Variants in FAM178B observed in about 807,000 individuals in gnomAD.
FAM178B encodes the protein protein FAM178B.
A neutral mutation model predicts 91.7 loss-of-function variants in FAM178B; 82 were observed. That is an observed-to-expected ratio of 0.89 (90% CI 0.75 to 1.07). The LOEUF (loss-of-function observed/expected upper bound fraction) is 1.07, where lower values mean the gene tolerates loss of function less well. FAM178B is among the 50% of genes least tolerant of loss of function. The pLI, the probability that FAM178B is intolerant of heterozygous loss-of-function variation, is 0.00. For missense variants in FAM178B, 769 were observed against 846.7 expected (o/e 0.91, Z 1.14); for synonymous variants, 368 against 359.4 (o/e 1.02, Z -0.27).
intron 6 of FAM178B, among the ~76,000 whole-genome samples, chr2:96,955,434 C>A (rs1007554326): frequency 6.6e-6 from 1 of 152,028 alleles, no homozygotes; most frequent in African/African-American, 2.4e-5. Context: ...TGGCGTGAAC[C>A]CAGGAGGCGG....
At chr2:96,976,143 G>A (rs2082285503) in intron 1 of FAM178B, among the ~76,000 whole-genome samples, 1 of 149,832 alleles carries the variant, frequency 6.7e-6, no homozygotes, top group Non-Finnish European at 1.5e-5. Context: ...TGCCTAGGCT[G>A]GAGTGCAGTG....
At chr2:96,878,821 G>C (rs1470099169) in intron 14 of FAM178B, among the ~76,000 whole-genome samples, 1 of 152,216 alleles carries the variant, frequency 6.6e-6, no homozygotes, top group Non-Finnish European at 1.5e-5. Context: ...TGGGGCAGCA[G>C]AACGCACCTT....
chr2:96,885,354 C>T (rs1416107403), intron 14 of FAM178B, among the ~76,000 whole-genome samples: 1 of 152,274 alleles, frequency 6.6e-6, no homozygotes, highest in South Asian at 2.1e-4. Context: ...ACCTGCACCT[C>T]TGGCTTCCTG....
rs2153369356 is a variant in FAM178B at position 96,902,710 on chromosome 2, G to A, written c.1563-3C>T. On this transcript the variant is annotated splice_polypyrimidine_tract_variant and splice_region_variant and intron_variant, in intron 12 of 16. Coordinates refer to ENST00000490605, the MANE Select transcript of FAM178B (RefSeq NM_001122646.3). ...GGCTGAGCTGGCTTCGAAGCCGCCT[G>A]GGGGAAAAGCGACAGCCTGAGAGAG... is the stretch of plus-strand genomic sequence containing the variant. 1.9e-6 allele frequency: 3 copies of A among 1,549,108 alleles called. No homozygotes were observed. The highest frequency in any genetic ancestry group is 1.2e-5 in the South Asian group (1 of 84,004).
intron 8 of FAM178B, among the ~76,000 whole-genome samples, chr2:96,930,448 A>G (rs1247730517): frequency 6.6e-6 from 1 of 152,112 alleles, no homozygotes; most frequent in East Asian, 1.9e-4. Context: ...CACCTCATCC[A>G]GGGACAGAGC....
Position 96,972,519 on chromosome 2 carries a change from G to A in FAM178B, c.142+19C>T. On this transcript the variant is annotated intron_variant, in intron 2 of 16. Transcript: ENST00000490605. ...CAAACCTCAGTGGGGATTTACCTGT[G>A]CAGGTGAGAGACGCCTACCTTCTCT... is the stretch of plus-strand genomic sequence containing the variant. 5.2e-6 allele frequency: 8 copies of A among 1,551,064 alleles called. No individual in the cohort carries two copies. The highest frequency in any genetic ancestry group is 7.0e-6 in the Non-Finnish European group (8 of 1,146,344).
intron 1 of FAM178B, among the ~76,000 whole-genome samples, chr2:96,977,194 CAA>C (rs70964891): frequency 1.3e-3 from 49 of 38,496 alleles, no homozygotes; most frequent in African/African-American, 2.0e-3. Context: ...GACTCTGTCT[CAA>C]AAAAAAAAAA....
intron 8 of FAM178B, among the ~76,000 whole-genome samples, chr2:96,946,807 A>T (rs2081836692): frequency 6.6e-6 from 1 of 152,206 alleles, no homozygotes; most frequent in Non-Finnish European, 1.5e-5. Flanking sequence ...ACAGGGGCAG[A>T]GGTTACGAAA....
At chr2:96,971,786 TCCG>T in intron 3 of FAM178B, 112 bp downstream of exon 3, 1 of 1,048,504 alleles carries the variant, frequency 9.5e-7, no homozygotes, top group South Asian at 2.0e-5. Context: ...AGGTGAAGTG[TCCG>T]AGGAAGAGCA....
In FAM178B at chr2:96,900,167, T is replaced by C. The variant is rs192165901; in HGVS notation, c.1650+2453A>G. On this transcript the variant is annotated intron_variant, in intron 13 of 16. Coordinates refer to ENST00000490605, the MANE Select transcript of FAM178B (RefSeq NM_001122646.3). Reference sequence around the variant, plus strand: ...TCTGGCCTCCACTCTGCGCTGGGCCTGTCCGTCAGCCTGCATCCCAGAGCC... The same window carrying C: ...TCTGGCCTCCACTCTGCGCTGGGCCCGTCCGTCAGCCTGCATCCCAGAGCC... Among the ~76,000 whole-genome samples the C allele has an allele frequency of 5.9e-3, 906 of 152,300 alleles. 3 individuals are homozygous for C. The highest frequency in any genetic ancestry group is 9.6e-3 in the Non-Finnish European group (655 of 68,022).
chr2:96,914,266 C>G (rs973623047), intron 12 of FAM178B, among the ~76,000 whole-genome samples: 1 of 152,192 alleles, frequency 6.6e-6, no homozygotes, highest in African/African-American at 2.4e-5. Context: ...AAAAAAGGAT[C>G]AGGTGAAACC....
intron 12 of FAM178B, among the ~76,000 whole-genome samples, chr2:96,912,702 C>A (rs560714534): frequency 1.4e-4 from 22 of 152,310 alleles, no homozygotes; most frequent in African/African-American, 5.3e-4. Flanking sequence ...ATGGCCTGAC[C>A]GCCGCCCACC....
chr2:96,931,912 C>T (rs2081546715), intron 8 of FAM178B, among the ~76,000 whole-genome samples: 2 of 151,380 alleles, frequency 1.3e-5, no homozygotes, highest in South Asian at 4.2e-4. Flanking sequence ...GGTAATGATA[C>T]CCCTTACTCG....
At chr2:96,913,783 G>T (rs1342098357) in intron 12 of FAM178B, among the ~76,000 whole-genome samples, 1 of 152,182 alleles carries the variant, frequency 6.6e-6, no homozygotes, top group Non-Finnish European at 1.5e-5. Flanking sequence ...GGAGCAGCAG[G>T]GTCCCTGGCC....
chr2:96,887,510 C>T (rs146971642), intron 14 of FAM178B, among the ~76,000 whole-genome samples: 16 of 152,248 alleles, frequency 1.1e-4, no homozygotes, highest in East Asian at 1.9e-4. Context: ...AATCCAAGGA[C>T]GGGAGAGACA....
intron 12 of FAM178B, among the ~76,000 whole-genome samples, chr2:96,908,929 T>A (rs929357663): frequency 6.6e-6 from 1 of 152,006 alleles, no homozygotes; most frequent in Non-Finnish European, 1.5e-5. Flanking sequence ...GAGGATCACC[T>A]GAGGTCAGTT....
chr2:96,981,565 C>G (rs1255317715), intron 1 of FAM178B, among the ~76,000 whole-genome samples: 1 of 151,918 alleles, frequency 6.6e-6, no homozygotes, highest in Middle Eastern at 3.4e-3. Flanking sequence ...CCCTGGCCAA[C>G]ACGTGAAACC....
chr2:96,923,502 GC>G lies in FAM178B; in HGVS notation c.1274del (p.Gly425AlafsTer26). On this transcript the variant is annotated frameshift_variant, in exon 10 of 17. Coordinates refer to ENST00000490605, the MANE Select transcript of FAM178B (RefSeq NM_001122646.3). LOFTEE classifies it high-confidence loss of function. ...CGGCTTGACTCACCTTGTAGATGTG[GC>G]CCAGGCTGATGTCCAAGGCAATCTC... ...PQEIALDISL[G>X]HIYKFLALCA... The G allele has an allele frequency of 1.9e-6, 3 of 1,551,498 alleles. No homozygotes were observed. The highest frequency in any genetic ancestry group is 2.6e-6 in the Non-Finnish European group (3 of 1,146,808).
chr2:96,903,720 C>G (rs937504738), intron 12 of FAM178B, among the ~76,000 whole-genome samples: 1 of 152,222 alleles, frequency 6.6e-6, no homozygotes, highest in Non-Finnish European at 1.5e-5. Context: ...ACAGCTGTGC[C>G]TGGAACCCCT....
Sources: gnomAD v4.1 joint callset for allele counts (sites outside exome capture counted in the v4.1 genomes callset) on GRCh38, gnomAD v4.1.1 for gene constraint, MANE v1.5 for transcripts, NCBI Gene and HGNC (gene_info 2026-07-23, HGNC 2026-07-21) for gene names.